The following DPP8 variants were observed in gnomAD, a reference collection of about 807,000 sequenced individuals.
The protein encoded by DPP8 is dipeptidyl peptidase 8.
A neutral mutation model predicts 107.5 loss-of-function variants in DPP8; 31 were observed. The ratio of observed to expected loss-of-function variants is 0.29; its 90% CI spans 0.22 to 0.39. The LOEUF (loss-of-function observed/expected upper bound fraction) is 0.39. DPP8 is among the 10% of genes least tolerant of loss of function. The pLI is 1.00. For missense variants in DPP8, 842 were observed against 1,076.1 expected (o/e 0.78, Z 3.04); for synonymous variants, 381 against 356.6 (o/e 1.07, Z -0.77).
At chr15:65,461,633 C>T (rs1018053088) in intron 15 of DPP8, among the ~76,000 whole-genome samples, 3 of 149,444 alleles carry the variant, frequency 2.0e-5, no homozygotes, top group Non-Finnish European at 3.0e-5. Context: ...GACAGAGTCT[C>T]GCTGTGTTGT....
intron 12 of DPP8, among the ~76,000 whole-genome samples, chr15:65,469,364 CTCA>C (rs1168431419): frequency 6.6e-6 from 1 of 151,710 alleles, no homozygotes; most frequent in Non-Finnish European, 1.5e-5. Context: ...CAATAAAAAG[CTCA>C]TAGGCAGCTG....
At chr15:65,464,690 G>A (rs1391839095) in intron 14 of DPP8, among the ~76,000 whole-genome samples, 3 of 151,934 alleles carry the variant, frequency 2.0e-5, no homozygotes, top group East Asian at 3.8e-4. Flanking sequence ...ACACTGTCTC[G>A]ACAACAACAA....
Position 65,444,203 on chromosome 15 carries a change from GCC to G in DPP8, c.*2679_*2680del, listed in dbSNP as rs1222418999. The G allele has an allele frequency of 9.8e-5, 15 of 152,338 alleles. 1 individual carries two copies. The highest frequency in any genetic ancestry group is 3.6e-4 in the African/African-American group (15 of 41,580). The allele number at this position is 152,338 out of a possible 1,614,324, so 9.4% of individuals were successfully genotyped here. On this transcript the variant is annotated 3_prime_UTR_variant, in exon 20 of 20. Transcript: ENST00000300141. The stretch of plus-strand genomic sequence containing the variant: ...CAAAGTGCTAGGATTACAGGCGTGA[GCC>G]ACCATGCCTAGCCTGGGAATACACA...
chr15:65,493,002 G>A (rs2068195120), intron 5 of DPP8, among the ~76,000 whole-genome samples: 2 of 152,132 alleles, frequency 1.3e-5, no homozygotes, highest in South Asian at 4.1e-4. Context: ...TATCCAAAAA[G>A]TTTGAATCCA....
At chr15:65,469,573 A>G (rs1384630877) in intron 12 of DPP8, among the ~76,000 whole-genome samples, 3 of 149,214 alleles carry the variant, frequency 2.0e-5, no homozygotes, top group Non-Finnish European at 4.4e-5. Flanking sequence ...GAATCGCTTG[A>G]ACCTGGGAGG....
In DPP8 at chr15:65,490,421, G is replaced by A. The variant is rs973367861; in HGVS notation, c.716-122C>T. Reference sequence around the variant, plus strand: ...CAGTGGTAAACTCTGGAGCTGAACGGACTGAGTTCAAATCTGGGGTCCATA... The same window carrying A: ...CAGTGGTAAACTCTGGAGCTGAACGAACTGAGTTCAAATCTGGGGTCCATA... On this transcript the variant is annotated intron_variant, in intron 5 of 19. Transcript: ENST00000300141. 3.8e-5 allele frequency: 26 copies of A among 690,918 alleles called. No individual in the cohort carries two copies. The African/African-American group carries it at 4.3e-4, about 12-fold the overall frequency. 42.8% of individuals were successfully genotyped at this position (690,918 alleles called of 1,614,324 possible).
intron 15 of DPP8, among the ~76,000 whole-genome samples, chr15:65,460,315 C>T (rs1166676361): frequency 7.9e-5 from 12 of 152,038 alleles, no homozygotes; most frequent in Non-Finnish European, 1.6e-4. Flanking sequence ...TGGTGGTGCA[C>T]GCCTGTAATC....
intron 3 of DPP8, among the ~76,000 whole-genome samples, chr15:65,502,392 T>C (rs914002556): frequency 3.9e-5 from 6 of 152,100 alleles, no homozygotes; most frequent in Non-Finnish European, 8.8e-5. Flanking sequence ...CAAAGAAAGT[T>C]TGTGGCTGGG....
chr15:65,456,897 G>A (rs1272910666), intron 15 of DPP8, among the ~76,000 whole-genome samples: 1 of 152,128 alleles, frequency 6.6e-6, no homozygotes, highest in Non-Finnish European at 1.5e-5. Flanking sequence ...ACACTATCAA[G>A]TTGGTTCTAG....
chr15:65,478,728 T>C (rs1053043836), intron 11 of DPP8, 152 bp downstream of exon 11: 26 of 560,760 alleles, frequency 4.6e-5, no homozygotes, highest in Admixed American at 7.9e-5. Flanking sequence ...TTTTTACACA[T>C]ACATGTATTT....
At chr15:65,498,600 C>T (rs531244528) in intron 4 of DPP8, among the ~76,000 whole-genome samples, 2 of 152,126 alleles carry the variant, frequency 1.3e-5, no homozygotes, top group East Asian at 3.9e-4. Context: ...TGTTGCCCAA[C>T]CTGTTTAAGA....
At chr15:65,466,224 C>T (rs1044031981) in intron 14 of DPP8, among the ~76,000 whole-genome samples, 2 of 152,202 alleles carry the variant, frequency 1.3e-5, no homozygotes, top group African/African-American at 2.4e-5. Context: ...TTGCAACCTC[C>T]GCCTCCCAGC....
At chr15:65,447,361 T>C (rs745312749) in intron 19 of DPP8, among the ~76,000 whole-genome samples, 1 of 152,190 alleles carries the variant, frequency 6.6e-6, no homozygotes, top group Non-Finnish European at 1.5e-5. Context: ...TTTACAGTGA[T>C]GATACAAAAG....
chr15:65,500,090 C>T (rs1260363782), intron 4 of DPP8, among the ~76,000 whole-genome samples: 1 of 151,764 alleles, frequency 6.6e-6, no homozygotes, highest in Non-Finnish European at 1.5e-5. Flanking sequence ...TTTGTAGAGA[C>T]AGGGTCTCTC....
Position 65,487,685 on chromosome 15 carries a change from A to C in DPP8, c.955+5T>G. On this transcript the variant is annotated splice_donor_5th_base_variant and intron_variant, in intron 7 of 19. Coordinates refer to ENST00000300141, the MANE Select transcript of DPP8 (RefSeq NM_130434.5). The stretch of plus-strand genomic sequence containing the variant: ...GTGAATATAAATGCCAATGGAGTAC[A>C]GTACCTGTTTTAGGATAACGGAATG... The C allele has an allele frequency of 6.2e-7, 1 of 1,605,758 alleles. No homozygotes were observed. Among genetic ancestry groups the C allele is most frequent in the Non-Finnish European group, 8.5e-7 (1 of 1,177,058 alleles).
intron 12 of DPP8, 139 bp downstream of exon 12, chr15:65,474,070 C>T: frequency 1.5e-6 from 1 of 651,814 alleles, no homozygotes; most frequent in Non-Finnish European, 2.7e-6. Context: ...CCCCATTGCA[C>T]TCCAGCCCTA....
intron 12 of DPP8, among the ~76,000 whole-genome samples, chr15:65,472,629 T>C (rs942938323): frequency 2.6e-5 from 4 of 152,132 alleles, no homozygotes; most frequent in African/African-American, 9.7e-5. Context: ...TAGACACAAG[T>C]AGTCTATAAT....
intron 11 of DPP8, among the ~76,000 whole-genome samples, chr15:65,478,658 G>T (rs993094494): frequency 6.6e-6 from 1 of 152,118 alleles, no homozygotes; most frequent in African/African-American, 2.4e-5. Flanking sequence ...TTATTTAAGA[G>T]ATTATTCACT....
At chr15:65,489,501 C>T (rs2067794620) in intron 6 of DPP8, among the ~76,000 whole-genome samples, 1 of 145,534 alleles carries the variant, frequency 6.9e-6, no homozygotes, top group East Asian at 2.0e-4. Flanking sequence ...GCAAGCTCCA[C>T]CTCCCAGGTT....
Sources: gnomAD v4.1 joint callset for allele counts (sites outside exome capture counted in the v4.1 genomes callset) on GRCh38, gnomAD v4.1.1 for gene constraint, MANE v1.5 for transcripts, NCBI Gene and HGNC (gene_info 2026-07-23, HGNC 2026-07-21) for gene names.